Variants in DIAPH2 observed in about 807,000 individuals in gnomAD.
The protein encoded by DIAPH2 is protein diaphanous homolog 2.
A neutral mutation model predicts 92.7 loss-of-function variants in DIAPH2; 35 were observed. The observed-to-expected ratio is 0.38, with a 90% CI of 0.29 to 0.50. DIAPH2 has a LOEUF of 0.50. Ranked by LOEUF, DIAPH2 falls within the 20% of genes least tolerant of loss-of-function variation. The pLI is 0.94. For synonymous variants in DIAPH2, 301 were observed against 280.4 expected (o/e 1.07, Z -0.73); for missense variants, 701 against 819.5 (o/e 0.86, Z 1.77).
At chrX:97,171,599 T>C (rs937076766) in intron 22 of DIAPH2, among the ~76,000 whole-genome samples, 4 of 111,813 alleles carry the variant, frequency 3.6e-5, no homozygotes, top group Non-Finnish European at 7.5e-5. Flanking sequence ...AGAAAAGATA[T>C]GGGTAGAATT....
intron 23 of DIAPH2, among the ~76,000 whole-genome samples, chrX:97,275,242 C>G (rs77879812): frequency 9.4e-6 from 1 of 106,402 alleles, no homozygotes; most frequent in Non-Finnish European, 1.9e-5. Flanking sequence ...CCCCCCACCT[C>G]CCAGACGGGG....
chrX:97,278,110 C>G (rs1320536618), intron 23 of DIAPH2, among the ~76,000 whole-genome samples: 2 of 112,355 alleles, frequency 1.8e-5, no homozygotes, highest in Non-Finnish European at 3.8e-5. Context: ...TCCCAAAGTG[C>G]TGGGACTACA....
chrX:96,911,527 C>T (rs2065468736), intron 5 of DIAPH2, among the ~76,000 whole-genome samples: 1 of 111,116 alleles, frequency 9.0e-6, no homozygotes, highest in South Asian at 3.9e-4. Flanking sequence ...GTTCCTGGAA[C>T]ATTCTAAACA....
chrX:97,491,748 T>A (rs2070727001), intron 26 of DIAPH2, among the ~76,000 whole-genome samples: 1 of 112,182 alleles, frequency 8.9e-6, no homozygotes, highest in African/African-American at 3.2e-5. Flanking sequence ...TATTGCCCTT[T>A]TGTTGATTGT....
At chrX:96,974,534 C>T (rs1359825799) in intron 17 of DIAPH2, among the ~76,000 whole-genome samples, 1 of 111,511 alleles carries the variant, frequency 9.0e-6, no homozygotes, top group Non-Finnish European at 1.9e-5. Flanking sequence ...ATGACATTTA[C>T]GTTCTACTCA....
intron 5 of DIAPH2, chrX:96,884,237 G>C: frequency 3.2e-6 from 3 of 932,254 alleles, no homozygotes; most frequent in South Asian, 4.7e-5. Context: ...GCCTTCTGTG[G>C]AGAACTCAAA....
chrX:97,564,503 CTG>C (rs898127819), intron 26 of DIAPH2: 6 of 111,804 alleles, frequency 5.4e-5, no homozygotes, highest in African/African-American at 2.0e-4. Context: ...TGGACAAACG[CTG>C]TGTTCTCGCA....
intron 1 of DIAPH2, among the ~76,000 whole-genome samples, chrX:96,707,698 A>G (rs1239475910): frequency 9.0e-6 from 1 of 110,617 alleles, no homozygotes; most frequent in Non-Finnish European, 1.9e-5. Flanking sequence ...CAAAAGAAAA[A>G]AAAATGCTTG....
At chrX:97,056,322 C>T (rs1375476455) in intron 17 of DIAPH2, among the ~76,000 whole-genome samples, 1 of 111,427 alleles carries the variant, frequency 9.0e-6, no homozygotes, top group Non-Finnish European at 1.9e-5. Flanking sequence ...AAATTTCATT[C>T]CACTTTGTAT....
intron 22 of DIAPH2, among the ~76,000 whole-genome samples, chrX:97,199,070 A>C (rs2067726399): frequency 9.1e-6 from 1 of 109,630 alleles, no homozygotes; most frequent in South Asian, 4.0e-4. Context: ...GAGGAAAAGC[A>C]CCTAGCCATA....
chrX:97,100,959 A>C (rs1261304577), intron 20 of DIAPH2, among the ~76,000 whole-genome samples: 1 of 112,077 alleles, frequency 8.9e-6, no homozygotes, highest in Non-Finnish European at 1.9e-5. Flanking sequence ...AAAATCAGGA[A>C]TGTATGTTTG....
intron 24 of DIAPH2, among the ~76,000 whole-genome samples, chrX:97,366,334 C>G (rs2069381142): frequency 8.9e-6 from 1 of 112,014 alleles, no homozygotes; most frequent in South Asian, 3.8e-4. Flanking sequence ...TCCTTTTACT[C>G]TTCGTCAACA....
chrX:96,865,359 A>G (rs1402051263), intron 4 of DIAPH2, among the ~76,000 whole-genome samples: 1 of 111,931 alleles, frequency 8.9e-6, no homozygotes, highest in East Asian at 2.8e-4. Context: ...GTGCTGCATC[A>G]TATTGGTTGG....
chrX:96,837,433 C>CTCTCTCTGTGTG (rs1189132418), intron 4 of DIAPH2, among the ~76,000 whole-genome samples: 21 of 41,342 alleles, frequency 5.1e-4, no homozygotes, highest in East Asian at 3.2e-3. Flanking sequence ...CTCTCTCTCT[C>CTCTCTCTGTGTG]TGTGTGTGTG....
intron 22 of DIAPH2, among the ~76,000 whole-genome samples, chrX:97,177,410 T>G (rs983053145): frequency 9.0e-6 from 1 of 111,559 alleles, no homozygotes; most frequent in South Asian, 3.8e-4. Flanking sequence ...CTTTTTGGAC[T>G]TCGTACATTT....
intron 4 of DIAPH2, among the ~76,000 whole-genome samples, chrX:96,784,489 C>T (rs853492): frequency 1.3e-4 from 15 of 111,260 alleles, no homozygotes; most frequent in Non-Finnish European, 2.8e-4. Context: ...ATTTCTCAAA[C>T]CCATGTAAAA....
intron 26 of DIAPH2, among the ~76,000 whole-genome samples, chrX:97,504,208 C>T (rs973625845): frequency 8.9e-6 from 1 of 112,141 alleles, no homozygotes; most frequent in African/African-American, 3.2e-5. Flanking sequence ...GATCGCAGCA[C>T]TTCATATCTT....
At chrX:97,270,232 T>A (rs898348685) in intron 23 of DIAPH2, among the ~76,000 whole-genome samples, 1 of 107,962 alleles carries the variant, frequency 9.3e-6, no homozygotes, top group African/African-American at 3.4e-5. Context: ...CCTGGCCTAA[T>A]TTTGCATTTT....
intron 24 of DIAPH2, among the ~76,000 whole-genome samples, chrX:97,378,382 CA>C (rs773830308): frequency 0.01 from 782 of 74,878 alleles, 2 homozygotes; most frequent in African/African-American, 0.031. Flanking sequence ...GACTCCGTCT[CA>C]AAAAAAAAAA....
Sources: allele counts gnomAD v4.1 joint callset (sites outside exome capture counted in the v4.1 genomes callset), GRCh38; gene constraint gnomAD v4.1.1; transcripts MANE v1.5; gene names NCBI Gene and HGNC (gene_info 2026-07-23, HGNC 2026-07-21).